The following ERBB4 variants were observed in gnomAD, a reference collection of about 807,000 sequenced individuals.
The protein encoded by ERBB4 is erb-b2 receptor tyrosine kinase 4.
In ERBB4, 42 loss-of-function variants were observed where a neutral mutation model predicts 158.0. The observed-to-expected ratio is 0.27, with a 90% CI of 0.21 to 0.34. ERBB4 has a LOEUF of 0.34. ERBB4 is among the 10% of genes least tolerant of loss of function. The probability of loss-of-function intolerance (pLI) is 1.00; values close to 1 mark genes in which losing one functional copy is unlikely to be tolerated. For missense variants in ERBB4, 1,333 were observed against 1,624.1 expected, an observed-to-expected ratio of 0.82 and a Z score of 3.08; for synonymous variants, 583 against 558.7, an observed-to-expected ratio of 1.04 and a Z score of -0.61.
intron 2 of ERBB4, among the ~76,000 whole-genome samples, chr2:212,101,379 C>T (rs915753466): frequency 3.3e-5 from 2 of 60,198 alleles, no homozygotes; most frequent in Non-Finnish European, 7.9e-5. Flanking sequence ...ATATGTATTT[C>T]AAACTACTTT....
chr2:212,236,697 G>C (rs1447513154), intron 1 of ERBB4, among the ~76,000 whole-genome samples: 4 of 152,150 alleles, frequency 2.6e-5, no homozygotes, highest in African/African-American at 9.7e-5. Flanking sequence ...AGTCTTCGGA[G>C]GGTGTATGTG....
intron 20 of ERBB4, among the ~76,000 whole-genome samples, chr2:211,551,469 C>T (rs1306701945): frequency 6.6e-6 from 1 of 152,010 alleles, no homozygotes; most frequent in Non-Finnish European, 1.5e-5. Flanking sequence ...TTTTATCGTG[C>T]CTTTATAAAA....
intron 4 of ERBB4, chr2:211,777,853 T>C (rs1371683439): frequency 6.6e-6 from 1 of 152,212 alleles, no homozygotes; most frequent in Non-Finnish European, 1.5e-5. Flanking sequence ...TAATACTAAC[T>C]ATAACTTAGA....
At chr2:212,479,134 G>T (rs1379910657) in intron 1 of ERBB4, among the ~76,000 whole-genome samples, 2 of 152,102 alleles carry the variant, frequency 1.3e-5, no homozygotes, top group African/African-American at 4.8e-5. Context: ...TTCAATGCCA[G>T]GCATCCCTAT....
intron 1 of ERBB4, among the ~76,000 whole-genome samples, chr2:212,414,231 G>C (rs1031874473): frequency 2.0e-5 from 3 of 152,114 alleles, no homozygotes; most frequent in African/African-American, 7.2e-5. Context: ...GCACCACTTA[G>C]AGTACTTTAT....
chr2:212,140,547 G>A (rs112783907), intron 1 of ERBB4, among the ~76,000 whole-genome samples: 11,323 of 148,722 alleles, frequency 0.076, 847 homozygotes, highest in African/African-American at 0.19. Flanking sequence ...TTTAGGAAAG[G>A]GTAAACAGAC....
intron 1 of ERBB4, among the ~76,000 whole-genome samples, chr2:212,223,263 T>C (rs1301454229): frequency 1.3e-5 from 2 of 150,562 alleles, no homozygotes; most frequent in African/African-American, 4.9e-5. Context: ...GTTTCTTAAA[T>C]ACAATACTGT....
rs112697492 is a variant in ERBB4, at chr2:212,374,064, A to G, written c.82+164385T>C. Among the ~76,000 whole-genome samples, 8 of 132,066 alleles carry G rather than the reference A, an allele frequency of 6.1e-5. 1 individual carries two copies. The South Asian group carries it at 2.0e-3, about 34-fold the overall frequency. 86.6% of individuals were successfully genotyped at this position (132,066 alleles called of 152,430 possible). On this transcript the variant is annotated intron_variant, in intron 1 of 27. Transcript: ENST00000342788. ...TATATCCATATATATATATCCATAT[A>G]TATCCATATATATATCCATATATAT...
At chr2:211,716,624 C>T (rs2073921141) in intron 7 of ERBB4, among the ~76,000 whole-genome samples, 2 of 151,676 alleles carry the variant, frequency 1.3e-5, no homozygotes, top group Non-Finnish European at 1.5e-5. Context: ...TGCAGTGAGC[C>T]GAGATTGCGC....
chr2:211,508,483 C>T (rs2065804711), intron 20 of ERBB4, among the ~76,000 whole-genome samples: 1 of 152,084 alleles, frequency 6.6e-6, no homozygotes, highest in Non-Finnish European at 1.5e-5. Context: ...ACAACAGATG[C>T]CGGAGAGGAT....
intron 20 of ERBB4, among the ~76,000 whole-genome samples, chr2:211,510,408 C>A (rs544528620): frequency 6.6e-6 from 1 of 152,044 alleles, no homozygotes; most frequent in Non-Finnish European, 1.5e-5. Context: ...AAGCCCAAAC[C>A]TCACCATTAC....
At chr2:212,175,312 C>T (rs1273843614) in intron 1 of ERBB4, among the ~76,000 whole-genome samples, 4 of 151,992 alleles carry the variant, frequency 2.6e-5, no homozygotes, top group African/African-American at 9.7e-5. Context: ...TAGTCTAGAA[C>T]TATACAATAC....
chr2:211,899,424 T>G (rs1356503065), intron 3 of ERBB4, among the ~76,000 whole-genome samples: 4 of 152,128 alleles, frequency 2.6e-5, no homozygotes, highest in Non-Finnish European at 5.9e-5. Flanking sequence ...CAGTAACATT[T>G]TATATGACAT....
chr2:211,906,147 G>A (rs949961098), intron 3 of ERBB4, among the ~76,000 whole-genome samples: 2 of 152,066 alleles, frequency 1.3e-5, no homozygotes, highest in African/African-American at 4.8e-5. Flanking sequence ...CAAGGTTGGA[G>A]GTAGGAAGAC....
At chr2:212,039,291 C>T (rs1267560668) in intron 2 of ERBB4, among the ~76,000 whole-genome samples, 3 of 152,132 alleles carry the variant, frequency 2.0e-5, no homozygotes, top group Admixed American at 6.6e-5. Flanking sequence ...TTTCTGCTCA[C>T]TGCCTTTGAA....
chr2:211,543,587 A>G, intron 20 of ERBB4, among the ~76,000 whole-genome samples: 1 of 151,798 alleles, frequency 6.6e-6, no homozygotes, highest in East Asian at 1.9e-4. Context: ...CTTTTGTGGC[A>G]TTTTTTTTAA....
chr2:211,960,575 C>G (rs1487661325), intron 2 of ERBB4: 2 of 152,048 alleles, frequency 1.3e-5, no homozygotes, highest in Admixed American at 6.6e-5. Flanking sequence ...TTACCACAGA[C>G]TGGGTGATTC....
intron 20 of ERBB4, among the ~76,000 whole-genome samples, chr2:211,471,632 T>A (rs1307243591): frequency 6.6e-6 from 1 of 152,108 alleles, no homozygotes; most frequent in Non-Finnish European, 1.5e-5. Context: ...GTGTGGCTAA[T>A]GCCAGAAAAA....
Position 211,383,943 on chromosome 2 carries a change from T to C in ERBB4, c.3599A>G (p.Asp1200Gly). 6.2e-7 allele frequency: 1 copy of C among 1,614,094 alleles called. No homozygotes were observed. Among genetic ancestry groups the C allele is most frequent in the South Asian group, 1.1e-5 (1 of 91,088 alleles). The change falls in exon 28 of 28, where the codon GAT becomes GGT. Residue 1200 changes from aspartate to glycine, a missense_variant. Coordinates refer to ENST00000342788, the MANE Select transcript of ERBB4 (RefSeq NM_005235.3). Reference protein sequence around the residue: ...NASNGPPKAEDEYVNEPLYLN... With the variant: ...NASNGPPKAEGEYVNEPLYLN... ...GTACAGTGGCTCATTCACATACTCA[T>C]CCTCGGCCTTGGGTGGACCATTGGA...
Sources: gnomAD v4.1 joint callset for allele counts (sites outside exome capture counted in the v4.1 genomes callset) on GRCh38, gnomAD v4.1.1 for gene constraint, MANE v1.5 for transcripts, NCBI Gene and HGNC (gene_info 2026-07-23, HGNC 2026-07-21) for gene names.